DNAAF11: variants seen among roughly 807,000 people sequenced by gnomAD.
DNAAF11 encodes the protein leucine rich repeat containing 6.
A neutral mutation model predicts 60.8 loss-of-function variants in DNAAF11; 45 were observed. The observed-to-expected ratio is 0.74, with a 90% confidence interval of 0.58 to 0.95. The LOEUF is 0.95. Ranked by LOEUF, DNAAF11 falls within the 40% of genes least tolerant of loss-of-function variation. DNAAF11 has a pLI of 0.00. For synonymous variants in DNAAF11, 191 were observed against 183.5 expected (o/e 1.04, Z -0.33); for missense variants, 546 against 546.2 (o/e 1.00, Z 0.00).
chr8:132,700,310 T>G, the DNAAF11 span, among the ~76,000 whole-genome samples: 79 of 152,148 alleles, frequency 5.2e-4, no homozygotes, highest in Admixed American at 1.0e-3. Context: ...CAGGAATGAG[T>G]GCAGCCCTCA....
At chr8:132,654,656 A>G (rs1823363819) in intron 3 of DNAAF11, among the ~76,000 whole-genome samples, 1 of 151,994 alleles carries the variant, frequency 6.6e-6, no homozygotes, top group Non-Finnish European at 1.5e-5. Flanking sequence ...GTGGAAATTA[A>G]ACAACACTGC....
At chr8:132,696,573 C>T in the DNAAF11 span, among the ~76,000 whole-genome samples, 1 of 152,086 alleles carries the variant, frequency 6.6e-6, no homozygotes, top group African/African-American at 2.4e-5. Flanking sequence ...GAATACTATT[C>T]TACTATAAAA....
chr8:132,659,131 G>A (rs1341488593), intron 2 of DNAAF11, among the ~76,000 whole-genome samples: 1 of 152,160 alleles, frequency 6.6e-6, no homozygotes, highest in Non-Finnish European at 1.5e-5. Flanking sequence ...GTCTGGGGAC[G>A]GGGCACTTGA....
chr8:132,651,680 T>C (rs1383863859), intron 3 of DNAAF11, among the ~76,000 whole-genome samples: 1 of 152,160 alleles, frequency 6.6e-6, no homozygotes, highest in Non-Finnish European at 1.5e-5. Flanking sequence ...ACAGAACTCA[T>C]ACGGTGTAAG....
At chr8:132,648,907 G>A (rs1315037101) in intron 3 of DNAAF11, among the ~76,000 whole-genome samples, 1 of 152,144 alleles carries the variant, frequency 6.6e-6, no homozygotes, top group African/African-American at 2.4e-5. Context: ...GATAGGAAGA[G>A]TCGATATCGT....
chr8:132,600,379 A>C lies in DNAAF11; in HGVS notation c.1140+9787T>G, dbSNP rs1414596499. Reference sequence around the variant, plus strand: ...AATTTATAGATTCAATGCCATCCCCATCAAGCTACCAATGACTTTCTTCAC... The same window carrying C: ...AATTTATAGATTCAATGCCATCCCCCTCAAGCTACCAATGACTTTCTTCAC... On this transcript the variant is annotated intron_variant, in intron 10 of 11. Transcript: ENST00000620350. Among the ~76,000 whole-genome samples the C allele has an allele frequency of 2.6e-5, 4 of 152,352 alleles. 1 individual carries two copies. Among genetic ancestry groups the C allele is most frequent in the Middle Eastern group, 3.4e-3 (1 of 294 alleles).
At chr8:132,693,734 G>C in the DNAAF11 span, among the ~76,000 whole-genome samples, 1 of 152,080 alleles carries the variant, frequency 6.6e-6, no homozygotes, top group African/African-American at 2.4e-5. Context: ...GGTGACATTT[G>C]AGAATGGACA....
At position 132,632,797 on chromosome 8, in the gene DNAAF11, T is replaced by C. The variant is rs753177783; in HGVS notation, c.596A>G (p.Asp199Gly). Residue 199 changes from aspartate to glycine, a missense_variant, in exon 5 of 12, where the codon GAC (aspartate) becomes GGC (glycine). Physicochemically the swap from Asp to Gly is moderately conservative, Grantham distance 94. Coordinates refer to ENST00000620350, the MANE Select transcript of DNAAF11 (RefSeq NM_012472.6). ...ATCAAAGCCTGCGTTACTTCTCTTG[T>C]CTTCATTTTTATCCTCTTCTTGGTG... ...RKHQEEDKNE[D>G]KRSNAGFDGR... The C allele has an allele frequency of 3.7e-6, 6 of 1,614,022 alleles. No homozygotes were observed. The highest frequency in any genetic ancestry group is 4.2e-6 in the Non-Finnish European group (5 of 1,179,908).
Position 132,570,471 on chromosome 8 carries a change from T to G in DNAAF11, c.*1835A>C, listed in dbSNP as rs1814075536. On this transcript the variant is annotated 3_prime_UTR_variant, in exon 12 of 12. Coordinates refer to ENST00000620350, the MANE Select transcript of DNAAF11 (RefSeq NM_012472.6). ...TCTATTAGTTTGGTCAAAAGTATAATTTTGCTTTCTCTCTATGTGGAAATT... is the reference window on the plus strand; with the variant it reads ...TCTATTAGTTTGGTCAAAAGTATAAGTTTGCTTTCTCTCTATGTGGAAATT... Among the ~76,000 whole-genome samples the G allele has an allele frequency of 6.6e-6, 1 of 152,178 alleles. No homozygotes were observed. The highest frequency in any genetic ancestry group is 2.1e-4 in the South Asian group (1 of 4,830).
chr8:132,572,555 T>C, intron 11 of DNAAF11, 75 bp from the exon 12 acceptor site: 2 of 1,113,424 alleles, frequency 1.8e-6, no homozygotes, highest in South Asian at 1.7e-5. Context: ...AACTCACCCA[T>C]CCATTTATTC....
chr8:132,669,255 G>T lies in DNAAF11; in HGVS notation c.10+6229C>A, dbSNP rs75902294. ...AACTGGAAGAGTTGATACCAGAAGT[G>T]GTGCATGAAAGCAGATGCTAGCTAA... On this transcript the variant is annotated intron_variant, in intron 1 of 11. Coordinates refer to ENST00000620350, the MANE Select transcript of DNAAF11 (RefSeq NM_012472.6). Among the ~76,000 whole-genome samples the T allele has an allele frequency of 8.6e-3, 1,310 of 152,282 alleles. 22 individuals carry two copies. Among genetic ancestry groups the T allele is most frequent in the African/African-American group, 0.029 (1,225 of 41,536 alleles).
intron 3 of DNAAF11, 28 bp from the exon 4 acceptor site, chr8:132,638,135 A>C (rs527329562): frequency 6.3e-7 from 1 of 1,594,220 alleles, no homozygotes; most frequent in Non-Finnish European, 8.6e-7. Flanking sequence ...GTGAAAACAA[A>C]GCAAACAAAG....
At chr8:132,695,737 C>T in the DNAAF11 span, among the ~76,000 whole-genome samples, 4 of 151,746 alleles carry the variant, frequency 2.6e-5, no homozygotes, top group African/African-American at 9.7e-5. Flanking sequence ...AAGAAAGGCC[C>T]GGATGTGTGT....
intron 10 of DNAAF11, among the ~76,000 whole-genome samples, chr8:132,591,072 A>C (rs1816414881): frequency 6.6e-6 from 1 of 152,176 alleles, no homozygotes; most frequent in Admixed American, 6.5e-5. Flanking sequence ...TGTATGATAT[A>C]TGTAACTATT....
chr8:132,587,938 C>T (rs753004168), intron 10 of DNAAF11, among the ~76,000 whole-genome samples: 2 of 152,090 alleles, frequency 1.3e-5, no homozygotes, highest in Non-Finnish European at 2.9e-5. Flanking sequence ...TTAAATAGTA[C>T]CTGGGTTGAA....
intron 7 of DNAAF11, among the ~76,000 whole-genome samples, chr8:132,615,448 T>C (rs1290129140): frequency 4.6e-5 from 7 of 152,224 alleles, no homozygotes; most frequent in Non-Finnish European, 1.0e-4. Flanking sequence ...GAATTATTTA[T>C]GGAGAACTAA....
At chr8:132,574,146 A>G (rs545341742) in intron 11 of DNAAF11, among the ~76,000 whole-genome samples, 8 of 152,330 alleles carry the variant, frequency 5.3e-5, no homozygotes, top group African/African-American at 1.7e-4. Flanking sequence ...TTAAAAGAAT[A>G]GAGTTTTGTG....
chr8:132,616,696 G>T (rs906803049), intron 7 of DNAAF11, among the ~76,000 whole-genome samples: 3 of 152,158 alleles, frequency 2.0e-5, no homozygotes, highest in Non-Finnish European at 2.9e-5. Context: ...TATCCACCCA[G>T]TGATGTCAAA....
rs577194396 is a variant in DNAAF11 at position 132,619,937 on chromosome 8, C to A, written c.914+2674G>T. 2.6e-5 allele frequency among the ~76,000 whole-genome samples: 4 copies of A among 152,238 alleles called. No homozygotes were observed. In the East Asian group the frequency reaches 5.8e-4, roughly 22 times the overall value. On this transcript the variant is annotated intron_variant, in intron 7 of 11. Transcript: ENST00000620350. The stretch of plus-strand genomic sequence containing the variant: ...GGAGTACATGGGACAGGTCCAGATA[C>A]ACTGGTAAATTGGATGTTGGGAGGA...
Sources: allele counts gnomAD v4.1 joint callset (sites outside exome capture counted in the v4.1 genomes callset), GRCh38; gene constraint gnomAD v4.1.1; transcripts MANE v1.5; gene names NCBI Gene and HGNC (gene_info 2026-07-23, HGNC 2026-07-21).